The following SPTBN1 variants were observed in gnomAD, a reference collection of about 807,000 sequenced individuals.
SPTBN1 encodes the protein spectrin beta, non-erythrocytic 1, also known as spectrin beta chain, non-erythrocytic 1.
A neutral mutation model predicts 266.4 loss-of-function variants in SPTBN1; 32 were observed. The ratio of observed to expected loss-of-function variants is 0.12; its 90% CI spans 0.09 to 0.16. SPTBN1 has a LOEUF of 0.16. SPTBN1 is among the 10% of genes least tolerant of loss of function. The pLI, the probability that SPTBN1 is intolerant of heterozygous loss-of-function variation, is 1.00. For synonymous variants in SPTBN1, 1,336 were observed against 1,162.2 expected, an observed-to-expected ratio of 1.15 and a Z score of -3.04; for missense variants, 2,296 against 3,067.1, an observed-to-expected ratio of 0.75 and a Z score of 5.94.
At chr2:54,521,329 G>A (rs186814497) in intron 1 of SPTBN1, among the ~76,000 whole-genome samples, 101 of 152,322 alleles carry the variant, frequency 6.6e-4, no homozygotes, top group Non-Finnish European at 1.1e-3. Flanking sequence ...GCTATGGTGG[G>A]AGCGAGGGAT....
rs142550031 is a variant in SPTBN1, at chr2:54,624,872, G to A, written c.1251G>A (p.Gln417=). Reference sequence around the variant, plus strand: ...CTTTGCGGAATGAGCTCATAAGACAGGAGAAACTGGAACAGCTCGCCCGCA... The same window carrying A: ...CTTTGCGGAATGAGCTCATAAGACAAGAGAAACTGGAACAGCTCGCCCGCA... ...ELALRNELIR[Q]EKLEQLARRF... Residue 417 remains glutamine, a synonymous_variant, in exon 11 of 36, where the codon CAG becomes CAA. Coordinates refer to ENST00000356805, the MANE Select transcript of SPTBN1 (RefSeq NM_003128.3). 1 of 1,614,210 alleles carries A rather than the reference G, an allele frequency of 6.2e-7. No individual in the cohort carries two copies.
rs181673115 is a variant in SPTBN1, at chr2:54,497,126, G to A, written c.-47-29246G>A. On this transcript the variant is annotated intron_variant, in intron 1 of 35. Transcript: ENST00000356805. Reference sequence around the variant, plus strand: ...GCTGTTGGTCTGGGGCCCCCACCAGGAAACCAGCACACCTGGCTTCCTTCT... The same window carrying A: ...GCTGTTGGTCTGGGGCCCCCACCAGAAAACCAGCACACCTGGCTTCCTTCT... Among the ~76,000 whole-genome samples the A allele has an allele frequency of 3.4e-4, 52 of 152,296 alleles. 2 individuals are homozygous for A. The East Asian group carries it at 8.5e-3, about 25-fold the overall frequency.
intron 1 of SPTBN1, among the ~76,000 whole-genome samples, chr2:54,491,395 G>A (rs536606913): frequency 6.1e-4 from 93 of 152,294 alleles, no homozygotes; most frequent in Non-Finnish European, 9.8e-4. Context: ...GATTTGAGCT[G>A]TTGTGGTTGA....
intron 17 of SPTBN1, among the ~76,000 whole-genome samples, chr2:54,636,669 G>A (rs1331725055): frequency 6.6e-6 from 1 of 152,252 alleles, no homozygotes; most frequent in Non-Finnish European, 1.5e-5. Context: ...CTGCCTCAGG[G>A]TTTGGTGGAT....
At chr2:54,575,226 A>G (rs1674378709) in intron 2 of SPTBN1, among the ~76,000 whole-genome samples, 1 of 152,232 alleles carries the variant, frequency 6.6e-6, no homozygotes, top group South Asian at 2.1e-4. Context: ...CCACATTCAC[A>G]GGTGTTAAGT....
At chr2:54,529,753 C>A (rs1205400427) in intron 2 of SPTBN1, 3 of 634,538 alleles carry the variant, frequency 4.7e-6, no homozygotes, top group Non-Finnish European at 8.9e-6. Flanking sequence ...ATATGTTCCA[C>A]TGGCTCCTGA....
In SPTBN1 at chr2:54,558,957, C is replaced by A; in HGVS notation, c.148+32391C>A. On this transcript the variant is annotated intron_variant, in intron 2 of 35. Coordinates refer to ENST00000356805, the MANE Select transcript of SPTBN1 (RefSeq NM_003128.3). This position sits in a 1 kb window ranked among gnomAD's most constrained non-coding sequence, Gnocchi z 4.6. ...GGGTTCTTGGAGGCTTTATTTGTGA[C>A]CCTAATGAAGACGGGCGGCTTCACA... 2 of 1,539,196 alleles carry A rather than the reference C, an allele frequency of 1.3e-6. No individual in the cohort carries two copies. Among genetic ancestry groups the A allele is most frequent in the South Asian group, 2.4e-5 (2 of 82,902 alleles).
At chr2:54,465,196 G>A (rs1019881370) in intron 1 of SPTBN1, among the ~76,000 whole-genome samples, 3 of 152,140 alleles carry the variant, frequency 2.0e-5, no homozygotes, top group African/African-American at 7.2e-5. Flanking sequence ...AAGGGTATAG[G>A]TGTGAGATAA....
At position 54,670,717 on chromosome 2, in the gene SPTBN1, G is replaced by C; in HGVS notation, c.*2148G>C. The C allele has an allele frequency of 2.5e-6, 1 of 398,596 alleles. No homozygotes were observed. Among genetic ancestry groups the C allele is most frequent in the Non-Finnish European group, 4.4e-6 (1 of 226,052 alleles). 24.7% of individuals were successfully genotyped at this position (398,596 alleles called of 1,614,324 possible). On this transcript the variant is annotated 3_prime_UTR_variant, in exon 36 of 36. Coordinates refer to ENST00000356805, the MANE Select transcript of SPTBN1 (RefSeq NM_003128.3). The stretch of plus-strand genomic sequence containing the variant: ...GTCCCATAATAAATACGTACATGTG[G>C]AACATCGTGCACATAATTTCAACAG...
At chr2:54,478,811 T>C (rs1006186719) in intron 1 of SPTBN1, among the ~76,000 whole-genome samples, 3 of 152,198 alleles carry the variant, frequency 2.0e-5, no homozygotes, top group African/African-American at 7.2e-5. Flanking sequence ...GCATGAATGG[T>C]TAAACATTTG....
At chr2:54,637,075 C>T (rs934346366) in intron 17 of SPTBN1, among the ~76,000 whole-genome samples, 1 of 152,156 alleles carries the variant, frequency 6.6e-6, no homozygotes, top group Non-Finnish European at 1.5e-5. Flanking sequence ...TTTACCTTAG[C>T]GTTTACCAAA....
intron 4 of SPTBN1, among the ~76,000 whole-genome samples, chr2:54,614,348 C>G (rs1230726838): frequency 6.6e-6 from 1 of 152,138 alleles, no homozygotes; most frequent in South Asian, 2.1e-4. Flanking sequence ...CTTCCACCAG[C>G]TCCTGAATAT....
chr2:54,668,585 C>T lies in SPTBN1; in HGVS notation c.*16C>T. The T allele has an allele frequency of 1.3e-6, 2 of 1,591,834 alleles. No homozygotes were observed. Among genetic ancestry groups the T allele is most frequent in the Non-Finnish European group, 1.7e-6 (2 of 1,168,400 alleles). The stretch of plus-strand genomic sequence containing the variant: ...AAAGAAATGAACTCCTTTCCTTCAC[C>T]TCCTGCCCTTCTCTTACCTTTTCAG... On this transcript the variant is annotated 3_prime_UTR_variant, in exon 36 of 36. Transcript: ENST00000356805.
intron 2 of SPTBN1, among the ~76,000 whole-genome samples, chr2:54,539,336 A>C (rs1288760897): frequency 6.6e-6 from 1 of 152,170 alleles, no homozygotes; most frequent in Non-Finnish European, 1.5e-5. Flanking sequence ...CCTATTAAAG[A>C]TTTCTTTGTG....
chr2:54,626,367 C>A lies in SPTBN1; in HGVS notation c.1644+133C>A. ...GCCCACATGTACAGCTAGAGAGGAGCCACATCACCCATGGGAAGATTGCTA... is the reference window on the plus strand; with the variant it reads ...GCCCACATGTACAGCTAGAGAGGAGACACATCACCCATGGGAAGATTGCTA... On this transcript the variant is annotated intron_variant, in intron 12 of 35. Coordinates refer to ENST00000356805, the MANE Select transcript of SPTBN1 (RefSeq NM_003128.3). The surrounding 1 kb of genome is among the most constrained non-coding windows in gnomAD (Gnocchi z 4.7). The A allele has an allele frequency of 8.9e-7, 1 of 1,129,376 alleles. No homozygotes were observed. Among genetic ancestry groups the A allele is most frequent in the Non-Finnish European group, 1.2e-6 (1 of 808,200 alleles). The allele number at this position is 1,129,376 out of a possible 1,614,324, so 70.0% of individuals were successfully genotyped here. A position where few individuals can be genotyped will look rare whatever the true frequency, so the allele number is the denominator to read the frequency against.
chr2:54,610,051 A>T (rs1006616507), intron 3 of SPTBN1, among the ~76,000 whole-genome samples: 1 of 109,588 alleles, frequency 9.1e-6, no homozygotes, highest in Non-Finnish European at 2.0e-5. Context: ...GTCTGCATTA[A>T]AAACTTGTTG....
At chr2:54,562,696 T>TGTGTGTGTG (rs1673390172) in intron 2 of SPTBN1, among the ~76,000 whole-genome samples, 2 of 122,598 alleles carry the variant, frequency 1.6e-5, no homozygotes, top group African/African-American at 3.6e-5. Flanking sequence ...AAACCCTGCT[T>TGTGTGTGTG]TGTGTGTGTG....
In SPTBN1 at chr2:54,493,040, C is replaced by G. The variant is rs145493045; in HGVS notation, c.-47-33332C>G. Among the ~76,000 whole-genome samples, 82 of 130,490 alleles carry G rather than the reference C, an allele frequency of 6.3e-4. 1 individual carries two copies. The East Asian group carries it at 0.017, about 27-fold the overall frequency. 85.6% of individuals were successfully genotyped at this position (130,490 alleles called of 152,430 possible). ...TTTTTTTTTGAGACAGGGTCTCACT[C>G]TATTGCCCAGACTGAAGTGCAGTGG... On this transcript the variant is annotated intron_variant, in intron 1 of 35. Transcript: ENST00000356805.
At chr2:54,600,193 G>A (rs569235583) in intron 3 of SPTBN1, among the ~76,000 whole-genome samples, 1 of 152,328 alleles carries the variant, frequency 6.6e-6, no homozygotes, top group Non-Finnish European at 1.5e-5. Context: ...GCAGGCAAGG[G>A]TCTAAGGTTG....
Sources: gnomAD v4.1 joint callset for allele counts (sites outside exome capture counted in the v4.1 genomes callset) on GRCh38, gnomAD v4.1.1 for gene constraint, Gnocchi (gnomAD v3.1) non-coding constraint, MANE v1.5 for transcripts, NCBI Gene and HGNC (gene_info 2026-07-23, HGNC 2026-07-21) for gene names.